The following SPTA1 variants were observed in gnomAD, a reference collection of about 807,000 sequenced individuals.
The protein encoded by SPTA1 is spectrin alpha chain, erythrocytic 1.
Under a neutral mutation model 324.7 loss-of-function variants are expected in SPTA1, and 177 were observed. The ratio of observed to expected loss-of-function variants is 0.55; its 90% CI spans 0.48 to 0.62. The LOEUF is 0.62. Ranked by LOEUF, SPTA1 falls within the 20% of genes least tolerant of loss-of-function variation. The pLI is 0.00. For missense variants in SPTA1, 3,162 were observed against 2,883.6 expected (o/e 1.10, Z -2.21); for synonymous variants, 1,195 against 1,041.3 (o/e 1.15, Z -2.84).
At chr1:158,685,433 T>C in intron 1 of SPTA1, 86 bp from the exon 2 acceptor site, 2 of 1,570,280 alleles carry the variant, frequency 1.3e-6, no homozygotes, top group Non-Finnish European at 1.7e-6. Context: ...TGTTTACTCA[T>C]GTTGGACCTA....
chr1:158,611,600 G>C (rs144336958), intron 51 of SPTA1: 1 of 501,942 alleles, frequency 2.0e-6, no homozygotes, highest in Non-Finnish European at 3.5e-6. Context: ...GAAAAAGAGA[G>C]CTTACTCACT....
intron 12 of SPTA1, 136 bp from the exon 13 acceptor site, chr1:158,669,922 T>G (rs1653891138): frequency 2.5e-6 from 2 of 800,994 alleles, no homozygotes; most frequent in Non-Finnish European, 4.3e-6. Context: ...ATGTAAGTCC[T>G]TATTCAGGTT....
chr1:158,636,577 C>G, intron 37 of SPTA1, 64 bp downstream of exon 37: 1 of 1,583,880 alleles, frequency 6.3e-7, no homozygotes, highest in Non-Finnish European at 8.7e-7. Flanking sequence ...TCTTATTTAT[C>G]TGTAACACAA....
At chr1:158,660,339 C>T (rs1034916529) in intron 18 of SPTA1, among the ~76,000 whole-genome samples, 3 of 152,130 alleles carry the variant, frequency 2.0e-5, no homozygotes, top group African/African-American at 7.2e-5. Flanking sequence ...GAAATATGCA[C>T]TATGCAAAAA....
chr1:158,686,511 G>T lies in SPTA1; in HGVS notation c.7C>A (p.Gln3Lys), dbSNP rs764788757. ME[Q>K]FPKETVVESS... is the part of the protein sequence containing the mutation. ...GTACTTACGGTTTCCTTTGGAAATTGCTCCATTTTTCCTAAAGGTTTAGAA... is the reference window on the plus strand; with the variant it reads ...GTACTTACGGTTTCCTTTGGAAATTTCTCCATTTTTCCTAAAGGTTTAGAA... The change falls in exon 1 of 52, where the codon CAA (glutamine) becomes AAA (lysine). Residue 3 changes from glutamine (Q) to lysine (K), a missense_variant. By Grantham distance (53) the Gln-to-Lys change is moderately conservative. Transcript: ENST00000643759. 2.5e-6 allele frequency: 4 copies of T among 1,592,912 alleles called. No individual in the cohort carries two copies. In the South Asian group the frequency reaches 3.3e-5, roughly 13 times the overall value.
Position 158,618,033 on chromosome 1 carries a change from A to T in SPTA1, c.6548+6T>A, listed in dbSNP as rs1649683143. The T allele has an allele frequency of 1.2e-6, 2 of 1,611,222 alleles. No individual in the cohort carries two copies. Among genetic ancestry groups the T allele is most frequent in the African/African-American group, 2.7e-5 (2 of 74,878 alleles). ...AGCAAACATGATGATAACATAAAAT[A>T]CTGACCCATCCAGAAAGTAAGCCCT... On this transcript the variant is annotated splice_donor_region_variant and intron_variant, in intron 46 of 51. Coordinates refer to ENST00000643759, the MANE Select transcript of SPTA1 (RefSeq NM_003126.4).
At chr1:158,645,093 G>T (rs977456056) in intron 29 of SPTA1, 95 bp downstream of exon 29, 3 of 1,316,168 alleles carry the variant, frequency 2.3e-6, no homozygotes, top group Non-Finnish European at 3.3e-6. Flanking sequence ...TTATAACGTG[G>T]AAAGTCTAGT....
rs1308245347 is a variant in SPTA1 at position 158,674,374 on chromosome 1, G to C, written c.1305C>G (p.Asp435Glu). ...RFQSADETGQDLVNANHEASD... is the reference protein window; with the variant it reads ...RFQSADETGQELVNANHEASD... ...AGGCTTCATGATTGGCATTCACGAG[G>C]TCTTGACCAGTCTCATCAGCAGATT... The change falls in exon 10 of 52, where the codon GAC (aspartate) becomes GAG (glutamate). Residue 435 changes from aspartate (D) to glutamate (E), a missense_variant. Asp to Glu is a conservative substitution (Grantham distance 45, BLOSUM62 2). Transcript: ENST00000643759. The C allele has an allele frequency of 2.5e-6, 4 of 1,613,906 alleles. No homozygotes were observed. In the African/African-American group the frequency reaches 5.3e-5, roughly 22 times the overall value.
rs562770165 is a variant in SPTA1 at position 158,636,050 on chromosome 1, G to A, written c.5311-16C>T. 253 of 1,613,958 alleles carry A rather than the reference G, an allele frequency of 1.6e-4. No homozygotes were observed. The highest frequency in any genetic ancestry group is 2.0e-4 in the Non-Finnish European group (238 of 1,179,950). ...CCAGCACATTCTGAAGAACAACCCC[G>A]ATACATGTTCCATTACCCCACAATC... On this transcript the variant is annotated splice_polypyrimidine_tract_variant and intron_variant, in intron 37 of 51. Coordinates refer to ENST00000643759, the MANE Select transcript of SPTA1 (RefSeq NM_003126.4).
intron 10 of SPTA1, among the ~76,000 whole-genome samples, chr1:158,673,578 T>C (rs1298963283): frequency 1.3e-5 from 2 of 152,186 alleles, no homozygotes; most frequent in African/African-American, 4.8e-5. Flanking sequence ...TGAGATTGTA[T>C]AGAGGAAAGA....
Position 158,615,259 on chromosome 1 carries a change from C to G in SPTA1, c.6745G>C (p.Gly2249Arg), listed in dbSNP as rs1441724207. Residue 2249 changes from glycine (G) to arginine (R), a missense_variant, in exon 48 of 52, where the codon GGG (glycine) becomes CGG (arginine). By Grantham distance (125) the Gly-to-Arg change is moderately radical (BLOSUM62 -2). Coordinates refer to ENST00000643759, the MANE Select transcript of SPTA1 (RefSeq NM_003126.4). Reference sequence around the variant, plus strand: ...TCCAGGTTGTGTTGCATCCGCAACCCAAGCTGGTAGAGCTGGTCCCACTGC... The same window carrying G: ...TCCAGGTTGTGTTGCATCCGCAACCGAAGCTGGTAGAGCTGGTCCCACTGC... ...AQQWDQLYQL[G>R]LRMQHNLEQQ... is the part of the protein sequence containing the mutation. 18 of 1,613,778 alleles carry G rather than the reference C, an allele frequency of 1.1e-5. No homozygotes were observed. Among genetic ancestry groups the G allele is most frequent in the Non-Finnish European group, 1.5e-5 (18 of 1,180,004 alleles).
At chr1:158,661,982 C>T (rs1420893317) in intron 17 of SPTA1, among the ~76,000 whole-genome samples, 1 of 152,214 alleles carries the variant, frequency 6.6e-6, no homozygotes, top group Non-Finnish European at 1.5e-5. Flanking sequence ...ATCCTGCTGT[C>T]TGCTTTATCC....
intron 37 of SPTA1, 117 bp downstream of exon 37, chr1:158,636,524 T>A: frequency 8.5e-7 from 1 of 1,181,898 alleles, no homozygotes; most frequent in Non-Finnish European, 1.2e-6. Flanking sequence ...TTTGACTAAC[T>A]CTCTCTGACC....
intron 39 of SPTA1, among the ~76,000 whole-genome samples, chr1:158,629,450 TA>T: frequency 6.6e-6 from 1 of 151,890 alleles, no homozygotes; most frequent in South Asian, 2.1e-4. Context: ...ATCATCTCAA[TA>T]GATTCTGAAA....
chr1:158,626,525 A>T (rs1243689429), intron 41 of SPTA1, among the ~76,000 whole-genome samples: 1 of 152,200 alleles, frequency 6.6e-6, no homozygotes, highest in Non-Finnish European at 1.5e-5. Context: ...GTTTCTTAGA[A>T]CATTTTGCTA....
At position 158,647,551 on chromosome 1, in the gene SPTA1, A is replaced by G; in HGVS notation, c.3884T>C (p.Leu1295Pro). 1.9e-6 allele frequency: 3 copies of G among 1,613,366 alleles called. No individual in the cohort carries two copies. Among genetic ancestry groups the G allele is most frequent in the Non-Finnish European group, 2.5e-6 (3 of 1,179,876 alleles). The part of the protein sequence containing the change: ...LNEAQKFYLF[L>P]SKARDLQNWI... ...CACCCCACTCTACCTGGCCTTGCTG[A>G]GGAACAGGTAGAATTTCTGGGCCTC... Residue 1295 changes from leucine (L) to proline (P), a missense_variant, in exon 27 of 52, where the codon CTC (leucine) becomes CCC (proline). Leu to Pro is a moderately conservative substitution (Grantham distance 98, BLOSUM62 -3). Transcript: ENST00000643759.
chr1:158,663,357 C>T lies in SPTA1; in HGVS notation c.2221-412G>A, dbSNP rs186353938. Among the ~76,000 whole-genome samples the T allele has an allele frequency of 3.1e-4, 47 of 152,264 alleles. No homozygotes were observed. The East Asian group carries it at 6.6e-3, about 21-fold the overall frequency. ...AGCTATAACTGCAAATAAATGGAAA[C>T]TTCTCAGGCTTAAGTTTGTTGCATA... On this transcript the variant is annotated intron_variant, in intron 16 of 51. Coordinates refer to ENST00000643759, the MANE Select transcript of SPTA1 (RefSeq NM_003126.4).
Position 158,662,681 on chromosome 1 carries a change from G to C in SPTA1, c.2464+21C>G. 3 of 1,613,308 alleles carry C rather than the reference G, an allele frequency of 1.9e-6. No homozygotes were observed. The South Asian group carries it at 3.3e-5, about 18-fold the overall frequency. On this transcript the variant is annotated intron_variant, in intron 17 of 51. Transcript: ENST00000643759. ...ACCTTGGTCCTTTCCTAGTGGCTCA[G>C]CCTGCTCAGGCTGTACTAACCAAGG...
At chr1:158,662,298 G>T (rs1046497880) in intron 17 of SPTA1, among the ~76,000 whole-genome samples, 4 of 152,156 alleles carry the variant, frequency 2.6e-5, no homozygotes, top group Non-Finnish European at 5.9e-5. Flanking sequence ...GACAGTATGT[G>T]CTTTATCTGC....
Sources: allele counts gnomAD v4.1 joint callset (sites outside exome capture counted in the v4.1 genomes callset), GRCh38; gene constraint gnomAD v4.1.1; transcripts MANE v1.5; gene names NCBI Gene and HGNC (gene_info 2026-07-23, HGNC 2026-07-21).